Variants in REX1BD observed in about 807,000 individuals in gnomAD.
REX1BD encodes required for excision 1-B domain-containing protein.
In REX1BD, 22 loss-of-function variants were observed where a neutral mutation model predicts 24.4. The ratio of observed to expected loss-of-function variants is 0.90; its 90% CI spans 0.64 to 1.29. The LOEUF (loss-of-function observed/expected upper bound fraction) is 1.29. Ranked by LOEUF, REX1BD falls within the 50% of genes most tolerant of loss-of-function variation. REX1BD has a pLI of 0.00. For synonymous variants in REX1BD, 146 were observed against 125.9 expected, an observed-to-expected ratio of 1.16 and a Z score of -1.07; for missense variants, 293 against 285.3, an observed-to-expected ratio of 1.03 and a Z score of -0.19.
chr19:18,590,717 C>A, intron 3 of REX1BD, 137 bp from the exon 4 acceptor site: 1 of 748,496 alleles, frequency 1.3e-6, no homozygotes, highest in South Asian at 1.8e-5. Flanking sequence ...ACTCTTCCTA[C>A]ACAAAGCACT....
chr19:18,590,772 G>A (rs1004338193), intron 3 of REX1BD, 82 bp from the exon 4 acceptor site: 5 of 1,422,198 alleles, frequency 3.5e-6, no homozygotes, highest in African/African-American at 2.9e-5. Flanking sequence ...GGGTGCCTCT[G>A]TTTTTTCCTG....
At position 18,592,309 on chromosome 19, in the gene REX1BD, C is replaced by T. The variant is rs1219455203; in HGVS notation, c.*129C>T. The T allele has an allele frequency of 1.0e-6, 1 of 956,180 alleles. No homozygotes were observed. Among genetic ancestry groups the T allele is most frequent in the South Asian group, 1.4e-5 (1 of 70,810 alleles). The allele number at this position is 956,180 out of a possible 1,614,324, so 59.2% of individuals were successfully genotyped here. ...CTGACCTTCCTGCAGTTCCAGACAC[C>T]TCCCACAATAAAGAGCTCCTCCTCT... On this transcript the variant is annotated 3_prime_UTR_variant, in exon 5 of 5. Coordinates refer to ENST00000358607, the MANE Select transcript of REX1BD (RefSeq NM_001100418.2).
intron 3 of REX1BD, 117 bp downstream of exon 3, chr19:18,589,800 G>C: frequency 7.5e-7 from 1 of 1,336,652 alleles, no homozygotes; most frequent in Non-Finnish European, 9.7e-7. Flanking sequence ...ACCCCTTCCT[G>C]TCCCACCCCA....
At chr19:18,591,932 G>A in intron 4 of REX1BD, 176 bp from the exon 5 acceptor site, 1 of 671,106 alleles carries the variant, frequency 1.5e-6, no homozygotes, top group South Asian at 1.8e-5. Flanking sequence ...GACCTATGGG[G>A]CCACCCCTTC....
chr19:18,589,397 C>T lies in REX1BD; in HGVS notation c.183-16C>T, dbSNP rs1394098525. 1 of 1,556,598 alleles carries T rather than the reference C, an allele frequency of 6.4e-7. No individual in the cohort carries two copies. On this transcript the variant is annotated splice_polypyrimidine_tract_variant and intron_variant, in intron 2 of 4. Transcript: ENST00000358607. ...TCCCCTCTGGTGTCTGGGGACACTTCCTGGGGGCCTTTCAGGTGGTTGGCG... is the reference window on the plus strand; with the variant it reads ...TCCCCTCTGGTGTCTGGGGACACTTTCTGGGGGCCTTTCAGGTGGTTGGCG...
At position 18,589,611 on chromosome 19, in the gene REX1BD, G is replaced by A; in HGVS notation, c.381G>A (p.Gly127=). 6.5e-7 allele frequency: 1 copy of A among 1,532,186 alleles called. No homozygotes were observed. 94.9% of individuals were successfully genotyped at this position (1,532,186 alleles called of 1,614,324 possible). The part of the protein sequence containing the change: ...EVLAVEAELG[G]PRRQPLLAGH... The stretch of plus-strand genomic sequence containing the variant: ...TGGCGGTGGAAGCAGAGCTGGGCGG[G>A]CCTCGCAGGCAGCCGCTGCTCGCCG... Residue 127 remains glycine (G), a synonymous_variant, in exon 3 of 5, where the codon GGG becomes GGA. Transcript: ENST00000358607.
intron 3 of REX1BD, chr19:18,590,134 C>G (rs1459169746): frequency 6.1e-6 from 1 of 163,332 alleles, no homozygotes; most frequent in African/African-American, 2.4e-5. Flanking sequence ...GGCCCTGCAA[C>G]CGTGTGTGAC....
In REX1BD at chr19:18,592,233, C is replaced by T; in HGVS notation, c.*53C>T. On this transcript the variant is annotated 3_prime_UTR_variant, in exon 5 of 5. Transcript: ENST00000358607. ...GAGATGGGAAACGGGGCGGATGGCG[C>T]CCAGCCCAGCCCTAACTGCCAGCTG... 6.2e-7 allele frequency: 1 copy of T among 1,603,380 alleles called. No homozygotes were observed. The highest frequency in any genetic ancestry group is 1.7e-5 in the Admixed American group (1 of 59,894).
intron 4 of REX1BD, chr19:18,591,893 C>G: frequency 1.7e-6 from 1 of 587,990 alleles, no homozygotes; most frequent in Non-Finnish European, 3.0e-6. Flanking sequence ...CATGCCCAGC[C>G]CAGATGGCCT....
At position 18,589,075 on chromosome 19, in the gene REX1BD, GGAGT is replaced by G; in HGVS notation, c.182+4_182+7del. On this transcript the variant is annotated splice_donor_variant and coding_sequence_variant, in exon 2 of 5. Transcript: ENST00000358607. LOFTEE classifies it high-confidence loss of function. ...GCGCGCAGGGCTTCCGCCGACTGGAGGAGTGAGTGGGGGCGCGGAGGGGCTCAGG... is the reference window on the plus strand; with the variant it reads ...GCGCGCAGGGCTTCCGCCGACTGGAGGAGTGGGGGCGCGGAGGGGCTCAGG... The G allele has an allele frequency of 6.6e-7, 1 of 1,509,018 alleles. No individual in the cohort carries two copies. Among genetic ancestry groups the G allele is most frequent in the South Asian group, 1.2e-5 (1 of 80,106 alleles). The allele number at this position is 1,509,018 out of a possible 1,614,324, so 93.5% of individuals were successfully genotyped here.
chr19:18,591,226 C>T, intron 4 of REX1BD: 1 of 332,224 alleles, frequency 3.0e-6, no homozygotes, highest in Non-Finnish European at 5.6e-6. Flanking sequence ...TGTCCTCAGC[C>T]CCCAAGCACA....
chr19:18,589,258 C>T lies in REX1BD; in HGVS notation c.183-155C>T, dbSNP rs1263368743. ...ACGAAAAAGGCCCCACAGCACGTCCCCACTACCCGACGACTCACTCTTCGT... is the reference window on the plus strand; with the variant it reads ...ACGAAAAAGGCCCCACAGCACGTCCTCACTACCCGACGACTCACTCTTCGT... On this transcript the variant is annotated intron_variant, in intron 2 of 4. Coordinates refer to ENST00000358607, the MANE Select transcript of REX1BD (RefSeq NM_001100418.2). 4 of 1,535,462 alleles carry T rather than the reference C, an allele frequency of 2.6e-6. No individual in the cohort carries two copies. In the South Asian group the frequency reaches 3.6e-5, roughly 14 times the overall value.
At position 18,592,327 on chromosome 19, in the gene REX1BD, C is replaced by T; in HGVS notation, c.*147C>T. ...CAGACACCTCCCACAATAAAGAGCT[C>T]CTCCTCTGTAGCCGCTCTGCCATCT... is the stretch of plus-strand genomic sequence containing the variant. On this transcript the variant is annotated 3_prime_UTR_variant, in exon 5 of 5. Coordinates refer to ENST00000358607, the MANE Select transcript of REX1BD (RefSeq NM_001100418.2). 1 of 831,758 alleles carries T rather than the reference C, an allele frequency of 1.2e-6. No individual in the cohort carries two copies. The highest frequency in any genetic ancestry group is 1.9e-6 in the Non-Finnish European group (1 of 520,934). 51.5% of individuals were successfully genotyped at this position (831,758 alleles called of 1,614,324 possible).
intron 4 of REX1BD, chr19:18,591,907 C>T: frequency 1.7e-6 from 1 of 604,522 alleles, no homozygotes; most frequent in Non-Finnish European, 2.9e-6. Flanking sequence ...ATGGCCTTTT[C>T]TCTCAGCCCA....
intron 3 of REX1BD, 40 bp downstream of exon 3, chr19:18,589,723 C>T: frequency 1.4e-6 from 2 of 1,439,134 alleles, no homozygotes; most frequent in Non-Finnish European, 1.8e-6. Context: ...CTCTAGGACC[C>T]TGGCCGGCTC....
At chr19:18,589,389 G>A (rs1975987921) in intron 2 of REX1BD, 24 bp from the exon 3 acceptor site, 2 of 1,555,414 alleles carry the variant, frequency 1.3e-6, no homozygotes, top group African/African-American at 2.7e-5. Context: ...TGGTGTCTGG[G>A]GACACTTCCT....
rs372816674 is a variant in REX1BD at position 18,592,139 on chromosome 19, G to C, written c.565G>C (p.Val189Leu). ...TAAAACCATGGAGGCGATCAGCGAGGTTCTCCAGGACCTTAGGTTTGATGC... is the reference window on the plus strand; with the variant it reads ...TAAAACCATGGAGGCGATCAGCGAGCTTCTCCAGGACCTTAGGTTTGATGC... The part of the protein sequence containing the change: ...VIKTMEAISE[V>L]LQDLRFDAES... The change falls in exon 5 of 5, where the codon GTT (valine) becomes CTT (leucine). Residue 189 changes from valine (V) to leucine (L), a missense_variant. Coordinates refer to ENST00000358607, the MANE Select transcript of REX1BD (RefSeq NM_001100418.2). 2.5e-5 allele frequency: 41 copies of C among 1,614,002 alleles called. No individual in the cohort carries two copies. The Middle Eastern group carries it at 8.2e-4, about 32-fold the overall frequency.
intron 4 of REX1BD, 93 bp from the exon 5 acceptor site, chr19:18,592,015 G>A (rs1468601894): frequency 4.1e-6 from 6 of 1,474,958 alleles, no homozygotes; most frequent in Non-Finnish European, 5.6e-6. Context: ...GAGGGCCTGG[G>A]GCTCACCACA....
intron 4 of REX1BD, 56 bp downstream of exon 4, chr19:18,590,989 C>T (rs1976029709): frequency 2.8e-6 from 4 of 1,423,284 alleles, no homozygotes; most frequent in Non-Finnish European, 3.7e-6. Flanking sequence ...AGGGTTGGCA[C>T]GGTCAGGACG....
Sources: gnomAD v4.1 joint callset for allele counts on GRCh38, gnomAD v4.1.1 for gene constraint, MANE v1.5 for transcripts, NCBI Gene and HGNC (gene_info 2026-07-23, HGNC 2026-07-21) for gene names.